Variants in BAIAP2L1 observed in about 807,000 individuals in gnomAD.
BAIAP2L1 encodes BAR/IMD domain containing adaptor protein 2 like 1.
Under a neutral mutation model 66.3 loss-of-function variants are expected in BAIAP2L1, and 35 were observed. That is an observed-to-expected ratio of 0.53 (90% CI 0.40 to 0.70). The LOEUF is 0.70. Ranked by LOEUF, BAIAP2L1 falls within the 30% of genes least tolerant of loss-of-function variation. The pLI, the probability that BAIAP2L1 is intolerant of heterozygous loss-of-function variation, is 0.00. For synonymous variants in BAIAP2L1, 269 were observed against 248.7 expected, an observed-to-expected ratio of 1.08 and a Z score of -0.77; for missense variants, 622 against 656.9, an observed-to-expected ratio of 0.95 and a Z score of 0.58.
At chr7:98,339,424 A>C (rs1477728407) in intron 3 of BAIAP2L1, among the ~76,000 whole-genome samples, 1 of 152,216 alleles carries the variant, frequency 6.6e-6, no homozygotes. Context: ...AGTTTTGTTA[A>C]GTCACTCGGA....
At chr7:98,338,626 G>A (rs1801665491) in intron 3 of BAIAP2L1, among the ~76,000 whole-genome samples, 1 of 152,068 alleles carries the variant, frequency 6.6e-6, no homozygotes, top group African/African-American at 2.4e-5. Context: ...ACATAACCAA[G>A]GTTCACCCGT....
chr7:98,392,333 T>C (rs950372934), intron 1 of BAIAP2L1, among the ~76,000 whole-genome samples: 3 of 151,576 alleles, frequency 2.0e-5, no homozygotes, highest in African/African-American at 7.3e-5. Context: ...CGAACAAGAG[T>C]GAACCTCCGT....
At chr7:98,396,902 C>T (rs1401460738) in intron 1 of BAIAP2L1, among the ~76,000 whole-genome samples, 3 of 152,114 alleles carry the variant, frequency 2.0e-5, no homozygotes, top group Non-Finnish European at 4.4e-5. Flanking sequence ...CGCCAGGAGC[C>T]TAGCAAAGGA....
At position 98,292,965 on chromosome 7, in the gene BAIAP2L1, TG is replaced by T; in HGVS notation, c.*555del. On this transcript the variant is annotated 3_prime_UTR_variant, in exon 14 of 14. Transcript: ENST00000005260. ...AGCTCTGGCGTGGTTGGAGGGAGGG[TG>T]GGGGTTTCTCCATCTCTGGAAGCTC... is the stretch of plus-strand genomic sequence containing the variant. 1 of 1,215,034 alleles carries T rather than the reference TG, an allele frequency of 8.2e-7. No homozygotes were observed. Among genetic ancestry groups the T allele is most frequent in the Non-Finnish European group, 1.0e-6 (1 of 975,668 alleles). The allele number at this position is 1,215,034 out of a possible 1,614,324, so 75.3% of individuals were successfully genotyped here.
intron 3 of BAIAP2L1, among the ~76,000 whole-genome samples, chr7:98,351,394 A>G (rs938747339): frequency 6.6e-6 from 1 of 152,176 alleles, no homozygotes; most frequent in Non-Finnish European, 1.5e-5. Context: ...TAACAGCCAC[A>G]TCCTCTCTGA....
intron 1 of BAIAP2L1, chr7:98,386,050 T>G: frequency 1.4e-6 from 2 of 1,456,654 alleles, no homozygotes; most frequent in Non-Finnish European, 1.9e-6. Flanking sequence ...TTCTTTCAAG[T>G]CATTTGTCTG....
At chr7:98,376,280 G>T (rs2115783540) in intron 1 of BAIAP2L1, among the ~76,000 whole-genome samples, 1 of 151,152 alleles carries the variant, frequency 6.6e-6, no homozygotes, top group East Asian at 2.0e-4. Flanking sequence ...GAGGCAGGAG[G>T]ACTGCTTGAG....
chr7:98,379,156 G>A (rs1380992391), intron 1 of BAIAP2L1, among the ~76,000 whole-genome samples: 5 of 152,132 alleles, frequency 3.3e-5, no homozygotes, highest in Non-Finnish European at 1.5e-5. Flanking sequence ...TGGGATTACA[G>A]GCATGAGCCA....
intron 9 of BAIAP2L1, chr7:98,309,078 C>G (rs979471050): frequency 6.6e-6 from 1 of 152,104 alleles, no homozygotes; most frequent in African/African-American, 2.4e-5. Context: ...CTTGCAGATT[C>G]TTCATGATTA....
chr7:98,392,606 C>G (rs1398803048), intron 1 of BAIAP2L1, among the ~76,000 whole-genome samples: 1 of 152,070 alleles, frequency 6.6e-6, no homozygotes, highest in Non-Finnish European at 1.5e-5. Flanking sequence ...TAGCAAAGTA[C>G]TGGCAATGAT....
intron 3 of BAIAP2L1, among the ~76,000 whole-genome samples, chr7:98,337,598 A>T (rs771980093): frequency 1.3e-5 from 2 of 152,218 alleles, no homozygotes; most frequent in Non-Finnish European, 2.9e-5. Flanking sequence ...CACTGGTCAA[A>T]TAACTGCTAC....
intron 11 of BAIAP2L1, among the ~76,000 whole-genome samples, 169 bp downstream of exon 11, chr7:98,306,270 A>G (rs1056631482): frequency 2.6e-5 from 4 of 152,118 alleles, no homozygotes; most frequent in Admixed American, 2.6e-4. Flanking sequence ...GCTCGGGGAC[A>G]ACAGAAATCA....
At chr7:98,339,016 T>G (rs1584468327) in intron 3 of BAIAP2L1, among the ~76,000 whole-genome samples, 1 of 144,162 alleles carries the variant, frequency 6.9e-6, no homozygotes, top group African/African-American at 2.6e-5. Context: ...GAGGTTGAGG[T>G]GAGGTGAGAC....
Position 98,384,693 on chromosome 7 carries a change from CTTTTTT to C in BAIAP2L1, c.51+16103_51+16108del, listed in dbSNP as rs11413562. On this transcript the variant is annotated intron_variant, in intron 1 of 13. Transcript: ENST00000005260. The stretch of plus-strand genomic sequence containing the variant: ...GACTCTGTGAGACAGATCATTCTAC[CTTTTTT>C]TTTTTTTTTTTTTTGTGAGATGGAG... Among the ~76,000 whole-genome samples, 836 of 118,808 alleles carry C rather than the reference CTTTTTT, an allele frequency of 7.0e-3. 9 individuals carry two copies. Among genetic ancestry groups the C allele is most frequent in the African/African-American group, 0.025 (796 of 32,488 alleles). The allele number at this position is 118,808 out of a possible 152,430, so 77.9% of individuals were successfully genotyped here. A position where few individuals can be genotyped will look rare whatever the true frequency, so the allele number is the denominator to read the frequency against.
At chr7:98,318,892 C>T (rs1436188853) in intron 5 of BAIAP2L1, among the ~76,000 whole-genome samples, 1 of 150,318 alleles carries the variant, frequency 6.7e-6, no homozygotes, top group Non-Finnish European at 1.5e-5. Context: ...TGCAGTGAGC[C>T]CCGAGATTGC....
At chr7:98,372,891 C>G (rs906303731) in intron 1 of BAIAP2L1, among the ~76,000 whole-genome samples, 22 of 152,054 alleles carry the variant, frequency 1.4e-4, no homozygotes, top group African/African-American at 2.9e-4. Context: ...AGGCACCCAC[C>G]ACCACGCCCA....
At chr7:98,397,625 C>A (rs1358753987) in intron 1 of BAIAP2L1, among the ~76,000 whole-genome samples, 1 of 152,136 alleles carries the variant, frequency 6.6e-6, no homozygotes, top group Non-Finnish European at 1.5e-5. Flanking sequence ...CCGCGCCGGG[C>A]CCTACTTCCT....
chr7:98,344,532 G>T (rs1169046641), intron 3 of BAIAP2L1, among the ~76,000 whole-genome samples: 2 of 152,006 alleles, frequency 1.3e-5, no homozygotes, highest in Admixed American at 6.6e-5. Context: ...CTCTGGTGGG[G>T]GTAAAATGTA....
chr7:98,359,238 C>T (rs1038668152), intron 2 of BAIAP2L1, among the ~76,000 whole-genome samples: 1 of 152,002 alleles, frequency 6.6e-6, no homozygotes, highest in Non-Finnish European at 1.5e-5. Context: ...GCCACCCATG[C>T]CAGTGTGGAC....
Sources: allele counts gnomAD v4.1 joint callset (sites outside exome capture counted in the v4.1 genomes callset), GRCh38; gene constraint gnomAD v4.1.1; transcripts MANE v1.5; gene names NCBI Gene and HGNC (gene_info 2026-07-23, HGNC 2026-07-21).